BNC2: variants seen among roughly 807,000 people sequenced by gnomAD.
BNC2 encodes the protein zinc finger protein basonuclin-2.
Under a neutral mutation model 76.3 loss-of-function variants are expected in BNC2, and 20 were observed. The ratio of observed to expected loss-of-function variants is 0.26; its 90% CI spans 0.18 to 0.38. BNC2 has a LOEUF of 0.38. BNC2 is among the 10% of genes least tolerant of loss of function. The pLI is 1.00. For missense variants in BNC2, 1,382 were observed against 1,399.8 expected (o/e 0.99, Z 0.20); for synonymous variants, 582 against 514.8 (o/e 1.13, Z -1.77).
intron 1 of BNC2, among the ~76,000 whole-genome samples, chr9:16,770,992 G>A (rs557286839): frequency 1.3e-5 from 2 of 152,014 alleles, no homozygotes; most frequent in African/African-American, 2.4e-5. Context: ...CCAACATGGC[G>A]AAACCCCTCT....
At chr9:16,531,683 C>A (rs988390575) in intron 5 of BNC2, among the ~76,000 whole-genome samples, 2 of 152,066 alleles carry the variant, frequency 1.3e-5, no homozygotes, top group Admixed American at 1.3e-4. Context: ...ACAGTGTGAT[C>A]TGGTCAGAAT....
intron 3 of BNC2, among the ~76,000 whole-genome samples, chr9:16,649,204 G>T (rs987666178): frequency 3.3e-5 from 5 of 152,162 alleles, no homozygotes; most frequent in Non-Finnish European, 7.3e-5. Flanking sequence ...ACGGGCCCCA[G>T]CACACCCACT....
intron 1 of BNC2, among the ~76,000 whole-genome samples, chr9:16,820,336 G>T (rs1351648115): frequency 6.6e-6 from 1 of 151,834 alleles, no homozygotes; most frequent in Non-Finnish European, 1.5e-5. Context: ...TGAGGCAGAA[G>T]AATCTCTTGA....
At chr9:16,785,556 G>T (rs893944425) in intron 1 of BNC2, among the ~76,000 whole-genome samples, 4 of 86,848 alleles carry the variant, frequency 4.6e-5, no homozygotes, top group African/African-American at 1.4e-4. Context: ...CACTACACCC[G>T]GCTTTTTTTT....
chr9:16,596,364 C>G (rs1048566612), intron 3 of BNC2, among the ~76,000 whole-genome samples: 4 of 152,068 alleles, frequency 2.6e-5, no homozygotes, highest in African/African-American at 9.7e-5. Context: ...TGTACAAATA[C>G]AAACCACTAA....
chr9:16,862,915 ATT>A (rs35319962), intron 1 of BNC2, among the ~76,000 whole-genome samples: 101,384 of 142,472 alleles, frequency 0.71, 35,875 homozygotes, highest in East Asian at 0.89. Flanking sequence ...ATATAGATAG[ATT>A]TTTTTTTTTT....
At chr9:16,675,868 G>A (rs969870999) in intron 3 of BNC2, among the ~76,000 whole-genome samples, 3 of 152,108 alleles carry the variant, frequency 2.0e-5, no homozygotes, top group African/African-American at 7.2e-5. Flanking sequence ...GGCCAACATG[G>A]TGAATCTCAG....
At chr9:16,756,831 T>C (rs941485567) in intron 1 of BNC2, among the ~76,000 whole-genome samples, 8 of 151,618 alleles carry the variant, frequency 5.3e-5, no homozygotes, top group African/African-American at 1.5e-4. Context: ...CTACTAAAAA[T>C]ACAAAAAAAA....
In BNC2 at chr9:16,455,475, G is replaced by A. The variant is rs374779150; in HGVS notation, c.670-17951C>T. ...AGCACAGAAATAAAACAATGTTAAT[G>A]AATGGATATGAAATGTATTTTAAAA... On this transcript the variant is annotated intron_variant, in intron 5 of 6. Transcript: ENST00000380672. Among the ~76,000 whole-genome samples, 13 of 152,170 alleles carry A rather than the reference G, an allele frequency of 8.5e-5. 1 individual carries two copies. Among genetic ancestry groups the A allele is most frequent in the Admixed American group, 6.5e-4 (10 of 15,268 alleles).
At chr9:16,812,545 T>C (rs1385145661) in intron 1 of BNC2, among the ~76,000 whole-genome samples, 1 of 152,204 alleles carries the variant, frequency 6.6e-6, no homozygotes, top group Non-Finnish European at 1.5e-5. Context: ...AGAGATGCAA[T>C]TGAGGCTTTT....
At chr9:16,775,104 G>A (rs1458629030) in intron 1 of BNC2, among the ~76,000 whole-genome samples, 2 of 152,136 alleles carry the variant, frequency 1.3e-5, no homozygotes, top group African/African-American at 4.8e-5. Context: ...CCAGGAACTT[G>A]CCAGGAATGC....
chr9:16,788,256 A>G (rs1826351666), intron 1 of BNC2, among the ~76,000 whole-genome samples: 1 of 152,160 alleles, frequency 6.6e-6, no homozygotes, highest in African/African-American at 2.4e-5. Flanking sequence ...GACACTCCAT[A>G]AAGAGGTCAT....
chr9:16,496,708 G>A lies in BNC2; in HGVS notation c.669+55822C>T, dbSNP rs375301323. ...TTTTTTCTTGTGTTTATCAGGAGCA[G>A]GGGATCCATATCTTTTTTAAAGATG... On this transcript the variant is annotated intron_variant, in intron 5 of 6. Coordinates refer to ENST00000380672, the MANE Select transcript of BNC2 (RefSeq NM_017637.6). Among the ~76,000 whole-genome samples, 47 of 152,290 alleles carry A rather than the reference G, an allele frequency of 3.1e-4. No homozygotes were observed. In the South Asian group the frequency reaches 9.5e-3, roughly 31 times the overall value.
chr9:16,734,109 A>T (rs1299486271), intron 2 of BNC2, among the ~76,000 whole-genome samples: 1 of 152,168 alleles, frequency 6.6e-6, no homozygotes, highest in Non-Finnish European at 1.5e-5. Flanking sequence ...TTTCCTAGTT[A>T]ACAATTCTCT....
chr9:16,469,307 G>C (rs188651943), intron 5 of BNC2, among the ~76,000 whole-genome samples: 8 of 152,166 alleles, frequency 5.3e-5, no homozygotes, highest in Non-Finnish European at 1.2e-4. Context: ...GGAAGGACCC[G>C]GGGGAGGTAA....
intron 5 of BNC2, among the ~76,000 whole-genome samples, chr9:16,481,594 CA>C (rs1822058521): frequency 6.6e-6 from 1 of 152,238 alleles, no homozygotes; most frequent in Non-Finnish European, 1.5e-5. Flanking sequence ...TCAGTGAGAC[CA>C]AGGACCCACC....
At chr9:16,711,622 C>T (rs1201691330) in intron 3 of BNC2, among the ~76,000 whole-genome samples, 1 of 152,200 alleles carries the variant, frequency 6.6e-6, no homozygotes, top group East Asian at 1.9e-4. Context: ...TTAATGCAAA[C>T]TATTCTTTCC....
At chr9:16,597,446 G>A (rs1230769704) in intron 3 of BNC2, among the ~76,000 whole-genome samples, 3 of 152,060 alleles carry the variant, frequency 2.0e-5, no homozygotes, top group African/African-American at 4.8e-5. Context: ...AATGGGGAGA[G>A]TACAAACCCT....
intron 3 of BNC2, among the ~76,000 whole-genome samples, chr9:16,711,091 TTCC>T (rs1254421205): frequency 1.3e-5 from 2 of 151,314 alleles, no homozygotes; most frequent in Non-Finnish European, 2.9e-5. Flanking sequence ...TGAGCAGGGC[TTCC>T]TCCTCCTCCC....
Sources: gnomAD v4.1 joint callset for allele counts (sites outside exome capture counted in the v4.1 genomes callset) on GRCh38, gnomAD v4.1.1 for gene constraint, MANE v1.5 for transcripts, NCBI Gene and HGNC (gene_info 2026-07-23, HGNC 2026-07-21) for gene names.